Variants in PPAN observed in about 807,000 individuals in gnomAD.
PPAN encodes peter pan homolog, also known as suppressor of SWI4 1 homolog.
Under a neutral mutation model 48.5 loss-of-function variants are expected in PPAN, and 39 were observed. The ratio of observed to expected loss-of-function variants is 0.80; its 90% CI spans 0.62 to 1.05. The LOEUF (loss-of-function observed/expected upper bound fraction) is 1.05. Among genes scored for constraint, PPAN ranks in the 50% least tolerant of loss-of-function variants. PPAN has a pLI of 0.00. For synonymous variants in PPAN, 315 were observed against 268.6 expected, an observed-to-expected ratio of 1.17 and a Z score of -1.69; for missense variants, 736 against 661.7, an observed-to-expected ratio of 1.11 and a Z score of -1.23.
chr19:10,110,667 G>A lies in PPAN; in HGVS notation c.1032-30G>A, dbSNP rs756244062. The A allele has an allele frequency of 1.4e-5, 23 of 1,612,062 alleles. No homozygotes were observed. Among genetic ancestry groups the A allele is most frequent in the South Asian group, 6.6e-5 (6 of 91,036 alleles). On this transcript the variant is annotated intron_variant, in intron 10 of 11. Coordinates refer to ENST00000253107, the MANE Select transcript of PPAN (RefSeq NM_020230.7). The surrounding 1 kb of genome is among the most constrained non-coding windows in gnomAD (Gnocchi z 5.9). ...CCAAGGGGGGGTCCCTGGGATGGGC[G>A]GCTATGTTGACCCCCACGCCCTCCT...
At position 10,109,941 on chromosome 19, in the gene PPAN, A is replaced by G. The variant is rs1348288542; in HGVS notation, c.619A>G (p.Ser207Gly). The G allele has an allele frequency of 6.2e-7, 1 of 1,613,968 alleles. No individual in the cohort carries two copies. Among genetic ancestry groups the G allele is most frequent in the Non-Finnish European group, 8.5e-7 (1 of 1,179,954 alleles). ...YSIKVVPVGASRGMKKLLQEK... is the reference protein window; with the variant it reads ...YSIKVVPVGAGRGMKKLLQEK... ...CATCAAAGTTGTTCCTGTGGGCGCG[A>G]GTCGCGGGATGAAGAAGCTGCTCCA... is the stretch of plus-strand genomic sequence containing the variant. The change falls in exon 7 of 12, where the codon AGT becomes GGT. Residue 207 changes from serine to glycine, a missense_variant. Coordinates refer to ENST00000253107, the MANE Select transcript of PPAN (RefSeq NM_020230.7).
chr19:10,109,099 C>G (rs2088948412), intron 5 of PPAN, among the ~76,000 whole-genome samples: 1 of 151,892 alleles, frequency 6.6e-6, no homozygotes, highest in East Asian at 1.9e-4. Context: ...GTAGCTGGGA[C>G]TACAGGTGCC....
intron 2 of PPAN, 84 bp downstream of exon 2, chr19:10,106,755 T>C (rs1568480919): frequency 1.4e-6 from 2 of 1,454,140 alleles, no homozygotes; most frequent in South Asian, 1.4e-5. Context: ...TGTAAAACTG[T>C]GGGAGGACTT....
rs756437869 is a variant in PPAN, at chr19:10,110,329, C to T, written c.828C>T (p.Gly276=). ...QQSAVRLTEI[G]PRMTLQLIKV... Reference sequence around the variant, plus strand: ...CTTCTTCCTCGTCCCCTCAGATCGGCCCGCGGATGACACTGCAGCTCATCA... The same window carrying T: ...CTTCTTCCTCGTCCCCTCAGATCGGTCCGCGGATGACACTGCAGCTCATCA... The change falls in exon 9 of 12, where the codon GGC becomes GGT. Residue 276 remains glycine (G), a synonymous_variant. Coordinates refer to ENST00000253107, the MANE Select transcript of PPAN (RefSeq NM_020230.7). The surrounding 1 kb of genome is among the most constrained non-coding windows in gnomAD (Gnocchi z 5.9). The T allele has an allele frequency of 1.9e-6, 3 of 1,613,806 alleles. No homozygotes were observed. The highest frequency in any genetic ancestry group is 1.1e-5 in the South Asian group (1 of 91,072).
At chr19:10,107,058 G>C (rs1207790985) in intron 2 of PPAN, 1 of 496,210 alleles carries the variant, frequency 2.0e-6, no homozygotes, top group East Asian at 5.2e-5. Flanking sequence ...ATGGTGTTGC[G>C]TGCCTGTAGT....
In PPAN at chr19:10,110,811, G is replaced by A. The variant is rs770931421; in HGVS notation, c.1146G>A (p.Gln382=). The change falls in exon 11 of 12, where the codon CAG becomes CAA. Residue 382 remains glutamine, a synonymous_variant. Coordinates refer to ENST00000253107, the MANE Select transcript of PPAN (RefSeq NM_020230.7). The surrounding 1 kb of genome is among the most constrained non-coding windows in gnomAD (Gnocchi z 5.9). ...AGTTGGGTGAGGACGATGATGAACA[G>A]GAAGATGATGACATCGAGTATTTCT... ...SLELGEDDDE[Q]EDDDIEYFCQ... 2 of 1,614,068 alleles carry A rather than the reference G, an allele frequency of 1.2e-6. No homozygotes were observed. The highest frequency in any genetic ancestry group is 1.7e-6 in the Non-Finnish European group (2 of 1,180,016).
At chr19:10,109,265 A>T (rs375727784) in intron 5 of PPAN, among the ~76,000 whole-genome samples, 1 of 151,126 alleles carries the variant, frequency 6.6e-6, no homozygotes, top group Admixed American at 6.6e-5. Context: ...GGCCTTCTTT[A>T]CTTTTTTTTT....
Position 10,110,529 on chromosome 19 carries a change from GAGA to G in PPAN, c.952_954del (p.Lys318del). The G allele has an allele frequency of 6.2e-7, 1 of 1,612,310 alleles. No individual in the cohort carries two copies. The highest frequency in any genetic ancestry group is 8.5e-7 in the Non-Finnish European group (1 of 1,179,764). The stretch of plus-strand genomic sequence containing the variant: ...GCTGCAGGCCATCCTGGAAGCCAAG[GAGA>G]AGAAGCTGCGGCTGAAGGCGCAGAG... On this transcript the variant is annotated inframe_deletion, in exon 10 of 12. Transcript: ENST00000253107. The surrounding 1 kb of genome is among the most constrained non-coding windows in gnomAD (Gnocchi z 5.9).
At position 10,110,990 on chromosome 19, in the gene PPAN, G is replaced by A; in HGVS notation, c.1247G>A (p.Gly416Glu). The change falls in exon 12 of 12, where the codon GGG becomes GAG. Residue 416 changes from glycine to glutamate, a missense_variant. Physicochemically the swap from Gly to Glu is moderately conservative, Grantham distance 98. Coordinates refer to ENST00000253107, the MANE Select transcript of PPAN (RefSeq NM_020230.7). The surrounding 1 kb of genome is among the most constrained non-coding windows in gnomAD (Gnocchi z 5.9). ...CAGAAACGGCTTGCCAAGTCTCCAGGGCGGAAGCGGAAGCGGTGGGAAATG... is the reference window on the plus strand; with the variant it reads ...CAGAAACGGCTTGCCAAGTCTCCAGAGCGGAAGCGGAAGCGGTGGGAAATG... The part of the protein sequence containing the change: ...AKQKRLAKSP[G>E]RKRKRWEMDR... The A allele has an allele frequency of 6.2e-7, 1 of 1,613,286 alleles. No individual in the cohort carries two copies. The highest frequency in any genetic ancestry group is 1.6e-4 in the Middle Eastern group (1 of 6,062).
At position 10,110,468 on chromosome 19, in the gene PPAN, C is replaced by T. The variant is rs200765108; in HGVS notation, c.902-17C>T. Reference sequence around the variant, plus strand: ...GAGCTGCACCCGGATCTTGGTGACCCGCGTCTCTTGGCTCAGTGAGCAAGA... The same window carrying T: ...GAGCTGCACCCGGATCTTGGTGACCTGCGTCTCTTGGCTCAGTGAGCAAGA... On this transcript the variant is annotated splice_polypyrimidine_tract_variant and intron_variant, in intron 9 of 11. Transcript: ENST00000253107. The surrounding 1 kb of genome is among the most constrained non-coding windows in gnomAD (Gnocchi z 5.9). The T allele has an allele frequency of 2.7e-5, 43 of 1,612,298 alleles. No individual in the cohort carries two copies. The highest frequency in any genetic ancestry group is 2.3e-4 in the Admixed American group (14 of 59,982).
Position 10,111,847 on chromosome 19 carries a change from C to T in PPAN, c.*682C>T. The T allele has an allele frequency of 1.5e-6, 2 of 1,343,444 alleles. No individual in the cohort carries two copies. The highest frequency in any genetic ancestry group is 2.1e-6 in the Non-Finnish European group (2 of 955,736). The allele number at this position is 1,343,444 out of a possible 1,614,324, so 83.2% of individuals were successfully genotyped here. ...AGGTCTGGGGCTGGGCACGGTGGCT[C>T]ACGCCTGTAATCCCAGCACTTTGGG... On this transcript the variant is annotated 3_prime_UTR_variant, in exon 12 of 12. Coordinates refer to ENST00000253107, the MANE Select transcript of PPAN (RefSeq NM_020230.7).
intron 2 of PPAN, among the ~76,000 whole-genome samples, chr19:10,107,194 A>G (rs536842326): frequency 6.6e-6 from 1 of 152,288 alleles, no homozygotes; most frequent in South Asian, 2.1e-4. Flanking sequence ...TAGAAAAAAA[A>G]AGACTAGAAT....
intron 5 of PPAN, 147 bp downstream of exon 5, chr19:10,108,281 T>A (rs2088909895): frequency 1.6e-6 from 2 of 1,256,048 alleles, no homozygotes; most frequent in Non-Finnish European, 2.1e-6. Context: ...CCCACTCCTG[T>A]GTCTGATGAT....
rs779345469 is a variant in PPAN, at chr19:10,110,678, C to T, written c.1032-19C>T. 1.2e-6 allele frequency: 2 copies of T among 1,612,614 alleles called. No individual in the cohort carries two copies. Among genetic ancestry groups the T allele is most frequent in the South Asian group, 2.2e-5 (2 of 91,034 alleles). On this transcript the variant is annotated intron_variant, in intron 10 of 11. Coordinates refer to ENST00000253107, the MANE Select transcript of PPAN (RefSeq NM_020230.7). The surrounding 1 kb of genome is among the most constrained non-coding windows in gnomAD (Gnocchi z 5.9). ...TCCCTGGGATGGGCGGCTATGTTGA[C>T]CCCCACGCCCTCCTCCAGAAAGAAG...
intron 5 of PPAN, among the ~76,000 whole-genome samples, chr19:10,108,953 T>C (rs1278201916): frequency 6.6e-6 from 1 of 151,534 alleles, no homozygotes; most frequent in Non-Finnish European, 1.5e-5. Flanking sequence ...GACCAGAATT[T>C]CTTGTTTACC....
chr19:10,110,676 G>T lies in PPAN; in HGVS notation c.1032-21G>T, dbSNP rs1230604537. The T allele has an allele frequency of 6.2e-7, 1 of 1,612,766 alleles. No individual in the cohort carries two copies. The highest frequency in any genetic ancestry group is 8.5e-7 in the Non-Finnish European group (1 of 1,179,446). On this transcript the variant is annotated intron_variant, in intron 10 of 11. Coordinates refer to ENST00000253107, the MANE Select transcript of PPAN (RefSeq NM_020230.7). This position sits in a 1 kb window ranked among gnomAD's most constrained non-coding sequence, Gnocchi z 5.9. ...GGTCCCTGGGATGGGCGGCTATGTT[G>T]ACCCCCACGCCCTCCTCCAGAAAGA...
rs779593518 is a variant in PPAN at position 10,111,159 on chromosome 19, G to A, written c.1416G>A (p.Val472=). 2 of 1,584,984 alleles carry A rather than the reference G, an allele frequency of 1.3e-6. No homozygotes were observed. The highest frequency in any genetic ancestry group is 1.8e-5 in the Admixed American group (1 of 54,456). ...GCCGGGGCCGCCCAGGGAAGAGAGT[G>A]GCCTGAGCCCAAGCCGCACCGGAGC... ...GRGRGRPGKR[V]A The change falls in exon 12 of 12, where the codon GTG becomes GTA. Residue 472 remains valine, a synonymous_variant. Transcript: ENST00000253107.
rs1353772448 is a variant in PPAN, at chr19:10,111,713, C to T, written c.*548C>T. On this transcript the variant is annotated 3_prime_UTR_variant, in exon 12 of 12. Transcript: ENST00000253107. ...GTAGCAGACACAGGCTGAGGATCGG[C>T]ACGGGAGCATGGCAGCCAACGTCTC... The T allele has an allele frequency of 1.9e-6, 3 of 1,613,600 alleles. No homozygotes were observed. Among genetic ancestry groups the T allele is most frequent in the Non-Finnish European group, 1.7e-6 (2 of 1,179,840 alleles).
chr19:10,107,510 T>G lies in PPAN; in HGVS notation c.195T>G (p.Arg65=). The change falls in exon 3 of 12, where the codon CGT becomes CGG. Residue 65 remains arginine, a synonymous_variant. Transcript: ENST00000253107. ...TTTCTTTTTGTCATTTCCAGGTTCGTAAGAAGAACTCGCTGAAGGACTGCG... is the reference window on the plus strand; with the variant it reads ...TTTCTTTTTGTCATTTCCAGGTTCGGAAGAAGAACTCGCTGAAGGACTGCG... ...EPLTASRLQV[R]KKNSLKDCVA... 6.2e-7 allele frequency: 1 copy of G among 1,613,914 alleles called. No individual in the cohort carries two copies. Among genetic ancestry groups the G allele is most frequent in the South Asian group, 1.1e-5 (1 of 91,070 alleles).
Sources: gnomAD v4.1 joint callset for allele counts (sites outside exome capture counted in the v4.1 genomes callset) on GRCh38, gnomAD v4.1.1 for gene constraint, Gnocchi (gnomAD v3.1) non-coding constraint, MANE v1.5 for transcripts, NCBI Gene and HGNC (gene_info 2026-07-23, HGNC 2026-07-21) for gene names.